Variants in TSBP1 observed in about 807,000 individuals in gnomAD.
TSBP1 encodes the protein testis expressed basic protein 1, also known as testis-expressed basic protein 1.
Under a neutral mutation model 68.8 loss-of-function variants are expected in TSBP1, and 56 were observed. That is an observed-to-expected ratio of 0.81 (90% confidence interval 0.66 to 1.02). The LOEUF (loss-of-function observed/expected upper bound fraction) is 1.02. TSBP1 is among the 50% of genes least tolerant of loss of function. The pLI, the probability that TSBP1 is intolerant of heterozygous loss-of-function variation, is 0.00. For missense variants in TSBP1, 502 were observed against 641.2 expected (o/e 0.78, Z 2.34); for synonymous variants, 171 against 208.7 (o/e 0.82, Z 1.56).
chr6:32,365,571 G>C lies in TSBP1; in HGVS notation c.217+596C>G, dbSNP rs1442520368. ...ACTATGCTGATCATCTCAATGTTCT[G>C]GGTGGAGTGAGAAATAAGTGGGCTT... On this transcript the variant is annotated intron_variant, in intron 6 of 22. Transcript: ENST00000612031. The surrounding 1 kb of genome is among the most constrained non-coding windows in gnomAD (Gnocchi z 4.3). 1 of 456,466 alleles carries C rather than the reference G, an allele frequency of 2.2e-6. No individual in the cohort carries two copies. The highest frequency in any genetic ancestry group is 2.3e-5 in the Admixed American group (1 of 42,560). The allele number at this position is 456,466 out of a possible 1,614,324, so 28.3% of individuals were successfully genotyped here.
In TSBP1 at chr6:32,343,763, ATT is replaced by A. The variant is rs1770644688; in HGVS notation, c.350-4127_350-4126del. ...CACGTTTTCCTTCATATTCTTTACAATTTTCTCTTCTTTCTGAATATTCCTTA... is the reference window on the plus strand; with the variant it reads ...CACGTTTTCCTTCATATTCTTTACAATTCTCTTCTTTCTGAATATTCCTTA... On this transcript the variant is annotated intron_variant, in intron 9 of 22. Transcript: ENST00000612031. This position sits in a 1 kb window ranked among gnomAD's most constrained non-coding sequence, Gnocchi z 4.3. Among the ~76,000 whole-genome samples, 1 of 151,896 alleles carries A rather than the reference ATT, an allele frequency of 6.6e-6. No individual in the cohort carries two copies. The highest frequency in any genetic ancestry group is 2.4e-5 in the African/African-American group (1 of 41,348).
In TSBP1 at chr6:32,333,154, G is replaced by A. The variant is rs1012707585; in HGVS notation, c.473-1100C>T. ...CTCCTGAGTAGCTGGGACTGCAGGCGCACGACACCACACCCAGCTAATTTT... is the reference window on the plus strand; with the variant it reads ...CTCCTGAGTAGCTGGGACTGCAGGCACACGACACCACACCCAGCTAATTTT... On this transcript the variant is annotated intron_variant, in intron 14 of 22. Transcript: ENST00000612031. The surrounding 1 kb of genome is among the most constrained non-coding windows in gnomAD (Gnocchi z 4.2). Among the ~76,000 whole-genome samples, 5 of 151,782 alleles carry A rather than the reference G, an allele frequency of 3.3e-5. No homozygotes were observed. The highest frequency in any genetic ancestry group is 2.1e-4 in the South Asian group (1 of 4,800).
chr6:32,320,491 G>T (rs2127586438), intron 18 of TSBP1, among the ~76,000 whole-genome samples: 1 of 152,212 alleles, frequency 6.6e-6, no homozygotes, highest in South Asian at 2.1e-4. Flanking sequence ...GGGAGCAGAT[G>T]TTGAAACCCT....
chr6:32,370,207 C>G (rs1190604204), intron 1 of TSBP1, among the ~76,000 whole-genome samples: 2 of 151,838 alleles, frequency 1.3e-5, no homozygotes, highest in Non-Finnish European at 2.9e-5. Context: ...TACTAAGAAC[C>G]TCAGATGCTG....
At chr6:32,301,713 A>ATT (rs750815108) in intron 20 of TSBP1, among the ~76,000 whole-genome samples, 7 of 149,930 alleles carry the variant, frequency 4.7e-5, no homozygotes, top group Admixed American at 2.7e-4. Flanking sequence ...CTGTTTTAAA[A>ATT]AAAAAAAAAA....
intron 6 of TSBP1, among the ~76,000 whole-genome samples, chr6:32,358,657 A>G (rs1178127933): frequency 6.6e-6 from 1 of 151,892 alleles, no homozygotes; most frequent in African/African-American, 2.4e-5. Flanking sequence ...GAGTGAGAAC[A>G]TGAGGTGTTT....
At chr6:32,317,740 C>G (rs888973161) in intron 18 of TSBP1, among the ~76,000 whole-genome samples, 6 of 152,160 alleles carry the variant, frequency 3.9e-5, no homozygotes, top group African/African-American at 1.4e-4. Context: ...AAATGCAAGT[C>G]AAAACCACAA....
rs1189467345 is a variant in TSBP1 at position 32,325,701 on chromosome 6, CTG to C, written c.515-2089_515-2088del. ...GATGACCATGACTCCGTGGATAAGA[CTG>C]TCATTCAGAAATACCACAGTGTGAA... On this transcript the variant is annotated intron_variant, in intron 16 of 22. Coordinates refer to ENST00000612031, the Ensembl canonical transcript of TSBP1. The surrounding 1 kb of genome is among the most constrained non-coding windows in gnomAD (Gnocchi z 4.4). 1 of 1,068,032 alleles carries C rather than the reference CTG, an allele frequency of 9.4e-7. No homozygotes were observed. Among genetic ancestry groups the C allele is most frequent in the South Asian group, 1.2e-5 (1 of 81,044 alleles). 66.2% of individuals were successfully genotyped at this position (1,068,032 alleles called of 1,614,324 possible). A position where few individuals can be genotyped will look rare whatever the true frequency, so the allele number is the denominator to read the frequency against.
intron 17 of TSBP1, 90 bp downstream of exon 18, chr6:32,323,501 G>T: frequency 8.0e-7 from 1 of 1,249,542 alleles, no homozygotes; most frequent in Non-Finnish European, 1.2e-6. Flanking sequence ...CACAGAGTTA[G>T]AAATGAGCAG....
chr6:32,294,878 G>GT (rs200073981), intron 22 of TSBP1, among the ~76,000 whole-genome samples: 37 of 151,548 alleles, frequency 2.4e-4, no homozygotes, highest in Non-Finnish European at 4.4e-4. Flanking sequence ...ATTTGCTTTT[G>GT]TTTTTTTTAA....
At chr6:32,300,199 T>C (rs115398953) in intron 21 of TSBP1, among the ~76,000 whole-genome samples, 7,018 of 152,282 alleles carry the variant, frequency 0.046, 365 homozygotes, top group African/African-American at 0.13. Flanking sequence ...CAAACTATTG[T>C]ATTTCCTGCC....
chr6:32,355,206 A>AT, intron 7 of TSBP1, 62 bp from the exon 8 acceptor site: 2 of 1,543,972 alleles, frequency 1.3e-6, no homozygotes, highest in Non-Finnish European at 1.8e-6. Context: ...TAATCTTTAC[A>AT]TATCAGCTTC....
intron 6 of TSBP1, 45 bp from the exon 7 acceptor site, chr6:32,355,714 A>G (rs1376182245): frequency 1.9e-6 from 3 of 1,568,728 alleles, no homozygotes; most frequent in South Asian, 1.1e-5. Context: ...TGGATATTCT[A>G]TTTCTGTAGT....
intron 19 of TSBP1, among the ~76,000 whole-genome samples, chr6:32,303,567 G>T (rs368700713): frequency 2.6e-5 from 4 of 151,798 alleles, no homozygotes; most frequent in East Asian, 1.9e-4. Flanking sequence ...AATTTGAGGT[G>T]ACTTTCTTGT....
At position 32,305,260 on chromosome 6, in the gene TSBP1, GAACTCCATATTT is replaced by G. The variant is rs1406973219; in HGVS notation, c.581-2643_581-2632del. Among the ~76,000 whole-genome samples, 5 of 152,124 alleles carry G rather than the reference GAACTCCATATTT, an allele frequency of 3.3e-5. 1 individual carries two copies. In the East Asian group the frequency reaches 9.6e-4, roughly 29 times the overall value. On this transcript the variant is annotated intron_variant, in intron 19 of 22. Coordinates refer to ENST00000612031, the Ensembl canonical transcript of TSBP1. ...CAAGTTTATTGGGGGTCTTCTGAAGGAACTCCATATTTAGCAGGAGACAAGATAAGGGTAATC... is the reference window on the plus strand; with the variant it reads ...CAAGTTTATTGGGGGTCTTCTGAAGGAGCAGGAGACAAGATAAGGGTAATC...
chr6:32,293,737 C>T, exon 23 of TSBP1: 2 of 1,612,856 alleles, frequency 1.2e-6, no homozygotes, highest in Non-Finnish European at 1.7e-6. Context: ...GTATACTCAT[C>T]TCACTGATTT....
intron 22 of TSBP1, 130 bp from the exon 26 acceptor site, chr6:32,294,165 T>A: frequency 1.0e-6 from 1 of 987,840 alleles, no homozygotes; most frequent in Non-Finnish European, 1.6e-6. Flanking sequence ...AATCTCAAGT[T>A]ATCTAAAATG....
At chr6:32,295,842 CTTTTT>C (rs535371646) in intron 22 of TSBP1, among the ~76,000 whole-genome samples, 3 of 125,302 alleles carry the variant, frequency 2.4e-5, no homozygotes, top group Admixed American at 1.6e-4. Flanking sequence ...AGGAAAATTT[CTTTTT>C]TTTTTTTTTT....
chr6:32,326,723 T>C (rs961066169), intron 16 of TSBP1, among the ~76,000 whole-genome samples: 1 of 152,246 alleles, frequency 6.6e-6, no homozygotes, highest in Non-Finnish European at 1.5e-5. Context: ...AGGAGCTAGT[T>C]TTCGTACTAC....
Sources: gnomAD v4.1 joint callset for allele counts (sites outside exome capture counted in the v4.1 genomes callset) on GRCh38, gnomAD v4.1.1 for gene constraint, Gnocchi (gnomAD v3.1) non-coding constraint, MANE v1.5 for transcripts, NCBI Gene and HGNC (gene_info 2026-07-23, HGNC 2026-07-21) for gene names.